Variants in IL31RA observed in about 807,000 individuals in gnomAD.
IL31RA encodes the protein interleukin 31 receptor A.
In IL31RA, 66 loss-of-function variants were observed where a neutral mutation model predicts 83.7. The ratio of observed to expected loss-of-function variants is 0.79; its 90% confidence interval spans 0.65 to 0.97. The LOEUF (loss-of-function observed/expected upper bound fraction) is 0.97. Ranked by LOEUF, IL31RA falls within the 50% of genes least tolerant of loss-of-function variation. The probability of loss-of-function intolerance (pLI) is 0.00; values close to 1 mark genes in which losing one functional copy is unlikely to be tolerated. For missense variants in IL31RA, 798 were observed against 919.4 expected, an observed-to-expected ratio of 0.87 and a Z score of 1.71; for synonymous variants, 325 against 329.0, an observed-to-expected ratio of 0.99 and a Z score of 0.13.
intron 10 of IL31RA, 82 bp downstream of exon 10, chr5:55,907,542 C>T: frequency 1.1e-6 from 1 of 907,174 alleles, no homozygotes; most frequent in Non-Finnish European, 1.9e-6. Flanking sequence ...GTGCCTGTAG[C>T]TCATTCCCAG....
At chr5:55,876,837 C>G (rs906585269) in intron 4 of IL31RA, among the ~76,000 whole-genome samples, 4 of 151,942 alleles carry the variant, frequency 2.6e-5, no homozygotes, top group Non-Finnish European at 5.9e-5. Context: ...TCAAATGAAC[C>G]CTCTGCTTTG....
Position 55,917,156 on chromosome 5 carries a change from G to A in IL31RA, c.*36G>A, listed in dbSNP as rs1224903290. 1 of 1,613,422 alleles carries A rather than the reference G, an allele frequency of 6.2e-7. No homozygotes were observed. The highest frequency in any genetic ancestry group is 8.5e-7 in the Non-Finnish European group (1 of 1,180,034). ...AGCATGAGACCCTCGGGGCCTCAGT[G>A]TGGATGGCCCTTGCCAGAGAAGATG... On this transcript the variant is annotated 3_prime_UTR_variant, in exon 15 of 15. Transcript: ENST00000652347.
At position 55,872,432 on chromosome 5, in the gene IL31RA, C is replaced by T. The variant is rs2112384487; in HGVS notation, c.435C>T (p.Tyr145=). 6.2e-7 allele frequency: 1 copy of T among 1,603,200 alleles called. No individual in the cohort carries two copies. The highest frequency in any genetic ancestry group is 8.5e-7 in the Non-Finnish European group (1 of 1,170,482). ...GTGTAATTAAATCTCATATGACATA[C>T]TGGAGATTAGAGAACATAGGTAAGT... ...GDGVIKSHMT[Y]WRLENIAKTE... is the part of the protein sequence containing the mutation. Residue 145 remains tyrosine, a synonymous_variant, in exon 4 of 15, where the codon TAC becomes TAT. Coordinates refer to ENST00000652347, the MANE Select transcript of IL31RA (RefSeq NM_139017.7).
rs537836375 is a variant in IL31RA, at chr5:55,919,167, G to A, written c.*2047G>A. On this transcript the variant is annotated 3_prime_UTR_variant, in exon 15 of 15. Coordinates refer to ENST00000652347, the MANE Select transcript of IL31RA (RefSeq NM_139017.7). ...TTGCCTCCTGTCTTGGCCCGAGGATGGGGGAGGGCACGGGTACCCCCACAG... is the reference window on the plus strand; with the variant it reads ...TTGCCTCCTGTCTTGGCCCGAGGATAGGGGAGGGCACGGGTACCCCCACAG... Among the ~76,000 whole-genome samples, 2 of 152,110 alleles carry A rather than the reference G, an allele frequency of 1.3e-5. No individual in the cohort carries two copies. Among genetic ancestry groups the A allele is most frequent in the African/African-American group, 4.8e-5 (2 of 41,426 alleles).
chr5:55,868,762 T>TTGTGTG lies in IL31RA; in HGVS notation c.155-19_155-14dup, dbSNP rs758980070. On this transcript the variant is annotated intron_variant, in intron 2 of 14. Transcript: ENST00000652347. ...TTATTGTGTACTGAAATTTTTGTGT[T>TTGTGTG]TGTGTGTGTGTGTGTTTAATTTATT... 3 of 1,167,574 alleles carry TTGTGTG rather than the reference T, an allele frequency of 2.6e-6. No individual in the cohort carries two copies. The African/African-American group carries it at 4.5e-5, about 18-fold the overall frequency. 72.3% of individuals were successfully genotyped at this position (1,167,574 alleles called of 1,614,324 possible). A position where few individuals can be genotyped will look rare whatever the true frequency, so the allele number is the denominator to read the frequency against.
chr5:55,855,731 T>C (rs920736202), intron 1 of IL31RA, among the ~76,000 whole-genome samples: 20 of 152,196 alleles, frequency 1.3e-4, no homozygotes, highest in African/African-American at 4.1e-4. Context: ...CTGAAATGTG[T>C]AGCGTTTCCC....
Position 55,914,814 on chromosome 5 carries a change from C to T in IL31RA, c.1737-33C>T, listed in dbSNP as rs147988424. 3.1e-4 allele frequency: 464 copies of T among 1,480,432 alleles called. 3 individuals are homozygous for T. The East Asian group carries it at 9.1e-3, about 29-fold the overall frequency. 91.7% of individuals were successfully genotyped at this position (1,480,432 alleles called of 1,614,324 possible). On this transcript the variant is annotated intron_variant, in intron 13 of 14. Transcript: ENST00000652347. The stretch of plus-strand genomic sequence containing the variant: ...ATATGGTGCTAATGCTTCTTGGATT[C>T]AATTCCCATCTTAAAATCTTCTCTC...
chr5:55,908,919 C>G, intron 11 of IL31RA: 1 of 1,212,980 alleles, frequency 8.2e-7, no homozygotes, highest in African/African-American at 1.5e-5. Flanking sequence ...CCAGTTTAAA[C>G]ATTTGAAAGT....
At chr5:55,897,953 A>C (rs943759488) in intron 7 of IL31RA, among the ~76,000 whole-genome samples, 9 of 152,208 alleles carry the variant, frequency 5.9e-5, no homozygotes, top group South Asian at 4.1e-4. Context: ...TGACATTCCA[A>C]TTACCTCAGG....
At position 55,854,967 on chromosome 5, in the gene IL31RA, C is replaced by A. The variant is rs375314248; in HGVS notation, c.63+3334C>A. 1.2e-4 allele frequency among the ~76,000 whole-genome samples: 19 copies of A among 152,076 alleles called. No individual in the cohort carries two copies. In the East Asian group the frequency reaches 2.7e-3, roughly 22 times the overall value. On this transcript the variant is annotated intron_variant, in intron 1 of 14. Coordinates refer to ENST00000652347, the MANE Select transcript of IL31RA (RefSeq NM_139017.7). ...TTAAAAGAGACTGAGAACAGGGCAC[C>A]CTTCTACTTGATCAGTGAAAGTATA...
chr5:55,856,385 CCA>C (rs1220654424), intron 1 of IL31RA, among the ~76,000 whole-genome samples: 1 of 152,134 alleles, frequency 6.6e-6, no homozygotes, highest in Non-Finnish European at 1.5e-5. Flanking sequence ...TTTTTGAAGA[CCA>C]GTTATTCAAA....
Position 55,919,682 on chromosome 5 carries a change from T to C in IL31RA, c.*2562T>C, listed in dbSNP as rs1023865274. Reference sequence around the variant, plus strand: ...TTACCTTTGAGGGGTGGGAAGATGGTGGCTCTGTTTCTTTCTAGGTGAGAG... The same window carrying C: ...TTACCTTTGAGGGGTGGGAAGATGGCGGCTCTGTTTCTTTCTAGGTGAGAG... On this transcript the variant is annotated 3_prime_UTR_variant, in exon 15 of 15. Transcript: ENST00000652347. 3.9e-5 allele frequency among the ~76,000 whole-genome samples: 6 copies of C among 152,180 alleles called. No individual in the cohort carries two copies. The highest frequency in any genetic ancestry group is 3.3e-4 in the Admixed American group (5 of 15,286).
rs1333212992 is a variant in IL31RA, at chr5:55,889,272, TC to T, written c.607-697del. Among the ~76,000 whole-genome samples the T allele has an allele frequency of 3.3e-5, 5 of 152,316 alleles. No homozygotes were observed. In the East Asian group the frequency reaches 9.6e-4, roughly 29 times the overall value. ...CCAGAAATTATATAAAGCAACACCT[TC>T]ACTTTACCAATGAGAAGCTGACATC... is the stretch of plus-strand genomic sequence containing the variant. On this transcript the variant is annotated intron_variant, in intron 5 of 14. Transcript: ENST00000652347.
rs1188090876 is a variant in IL31RA at position 55,922,279 on chromosome 5, A to G, written c.*5159A>G. 3 of 799,824 alleles carry G rather than the reference A, an allele frequency of 3.8e-6. No homozygotes were observed. The African/African-American group carries it at 5.1e-5, about 14-fold the overall frequency. The allele number at this position is 799,824 out of a possible 1,614,324, so 49.5% of individuals were successfully genotyped here. A position where few individuals can be genotyped will look rare whatever the true frequency, so the allele number is the denominator to read the frequency against. On this transcript the variant is annotated 3_prime_UTR_variant, in exon 15 of 15. Transcript: ENST00000652347. The stretch of plus-strand genomic sequence containing the variant: ...CGTGTGCTGATGAAAAGGGCTGGGG[A>G]GAAGCAAGGGGCAGGGGAGGGGCAG...
chr5:55,892,645 G>A (rs939336859), intron 6 of IL31RA, among the ~76,000 whole-genome samples: 2 of 152,112 alleles, frequency 1.3e-5, no homozygotes, highest in African/African-American at 2.4e-5. Context: ...GCTCCCTTGG[G>A]TGCCATTGTG....
intron 1 of IL31RA, among the ~76,000 whole-genome samples, chr5:55,856,523 C>T (rs1001485985): frequency 6.6e-6 from 1 of 152,174 alleles, no homozygotes; most frequent in African/African-American, 2.4e-5. Flanking sequence ...GCTGATTCAC[C>T]TCATTTAAGT....
chr5:55,888,448 T>G (rs1040616994), intron 5 of IL31RA, among the ~76,000 whole-genome samples: 1 of 152,116 alleles, frequency 6.6e-6, no homozygotes, highest in African/African-American at 2.4e-5. Context: ...ATGTACGTGA[T>G]GAGAACCACT....
chr5:55,918,368 C>T lies in IL31RA; in HGVS notation c.*1248C>T, dbSNP rs928897023. ...TTGCAGGCATGAACTTCGCAAGCCA[C>T]CCACTCAGGTGTGCAAAACATCACT... On this transcript the variant is annotated 3_prime_UTR_variant, in exon 15 of 15. Transcript: ENST00000652347. Among the ~76,000 whole-genome samples, 1 of 152,170 alleles carries T rather than the reference C, an allele frequency of 6.6e-6. No homozygotes were observed. Among genetic ancestry groups the T allele is most frequent in the Admixed American group, 6.5e-5 (1 of 15,282 alleles).
At chr5:55,878,761 C>A (rs10065709) in intron 4 of IL31RA, among the ~76,000 whole-genome samples, 73,143 of 151,822 alleles carry the variant, frequency 0.48, 17,850 homozygotes, top group South Asian at 0.58. Flanking sequence ...TCAAGCCATT[C>A]TCCCACCTCA....
Sources: gnomAD v4.1 joint callset for allele counts (sites outside exome capture counted in the v4.1 genomes callset) on GRCh38, gnomAD v4.1.1 for gene constraint, MANE v1.5 for transcripts, NCBI Gene and HGNC (gene_info 2026-07-23, HGNC 2026-07-21) for gene names.